Variants in RUNX1 observed in about 807,000 individuals in gnomAD.
The protein encoded by RUNX1 is RUNX family transcription factor 1.
In RUNX1, 19 loss-of-function variants were observed where a neutral mutation model predicts 42.8. That is an observed-to-expected ratio of 0.44 (90% CI 0.31 to 0.65). The LOEUF is 0.65. RUNX1 is among the 30% of genes least tolerant of loss of function. The probability of loss-of-function intolerance (pLI) is 0.07; values close to 1 mark genes in which losing one functional copy is unlikely to be tolerated. For missense variants in RUNX1, 528 were observed against 672.0 expected, an observed-to-expected ratio of 0.79 and a Z score of 2.37; for synonymous variants, 271 against 289.4, an observed-to-expected ratio of 0.94 and a Z score of 0.64.
intron 2 of RUNX1, among the ~76,000 whole-genome samples, chr21:35,007,076 A>C (rs1410916790): frequency 6.6e-6 from 1 of 152,248 alleles, no homozygotes; most frequent in Non-Finnish European, 1.5e-5. Flanking sequence ...TAACCTGCAC[A>C]CCAGATCTCA....
chr21:35,029,392 A>T (rs1439795324), intron 2 of RUNX1, among the ~76,000 whole-genome samples: 4 of 152,064 alleles, frequency 2.6e-5, no homozygotes, highest in Non-Finnish European at 4.4e-5. Flanking sequence ...CTGAGCTTCA[A>T]AATTTTTGTT....
At chr21:35,040,312 C>T (rs2059348015) in intron 2 of RUNX1, among the ~76,000 whole-genome samples, 1 of 152,168 alleles carries the variant, frequency 6.6e-6, no homozygotes, top group African/African-American at 2.4e-5. Context: ...GGCACTCAAA[C>T]CAATGTATCT....
Position 34,799,476 on chromosome 21 carries a change from G to GA in RUNX1, c.806-15dup, listed in dbSNP as rs1214730660. ...TCTGCCTTGTATCTGAAGAGAATCA[G>GA]AAAGGTCAATTATATGTAAAGTGGG... On this transcript the variant is annotated splice_polypyrimidine_tract_variant and intron_variant, in intron 7 of 8. Transcript: ENST00000675419. The GA allele has an allele frequency of 1.9e-6, 3 of 1,613,120 alleles. No individual in the cohort carries two copies. Among genetic ancestry groups the GA allele is most frequent in the Non-Finnish European group, 2.5e-6 (3 of 1,179,108 alleles).
At chr21:34,983,933 G>A (rs2058865997) in intron 2 of RUNX1, among the ~76,000 whole-genome samples, 1 of 152,184 alleles carries the variant, frequency 6.6e-6, no homozygotes. Context: ...CAGAAATAGG[G>A]GAGCTGGAAA....
At chr21:34,848,215 A>G (rs763614454) in intron 6 of RUNX1, among the ~76,000 whole-genome samples, 13 of 152,174 alleles carry the variant, frequency 8.5e-5, no homozygotes, top group Non-Finnish European at 1.8e-4. Context: ...GGTTAATCTG[A>G]TCCCGAAGGG....
At chr21:34,937,879 T>C (rs926282001) in intron 2 of RUNX1, among the ~76,000 whole-genome samples, 1 of 152,190 alleles carries the variant, frequency 6.6e-6, no homozygotes, top group East Asian at 1.9e-4. Context: ...CTTTGACTCA[T>C]GGATTTAATG....
In RUNX1 at chr21:34,868,268, G is replaced by A. The variant is rs541229366; in HGVS notation, c.509-8690C>T. Among the ~76,000 whole-genome samples, 9 of 152,218 alleles carry A rather than the reference G, an allele frequency of 5.9e-5. No individual in the cohort carries two copies. In the South Asian group the frequency reaches 1.9e-3, roughly 32 times the overall value. On this transcript the variant is annotated intron_variant, in intron 5 of 8. Coordinates refer to ENST00000675419, the MANE Select transcript of RUNX1 (RefSeq NM_001754.5). ...CCTGGCGCTGCTTGAAAGGAGAAAG[G>A]AGAGCTTTCAGTCTCTGGATGGGTC...
intron 8 of RUNX1, among the ~76,000 whole-genome samples, chr21:34,795,891 C>T (rs1052303426): frequency 6.6e-6 from 1 of 152,224 alleles, no homozygotes; most frequent in African/African-American, 2.4e-5. Context: ...AGTTTGTTGT[C>T]ATCTGATGCA....
At chr21:34,871,847 T>C (rs1287998170) in intron 5 of RUNX1, among the ~76,000 whole-genome samples, 14 of 58,526 alleles carry the variant, frequency 2.4e-4, no homozygotes, top group South Asian at 8.0e-4. Flanking sequence ...CTTTTATCAC[T>C]TTTTTTTTTT....
At chr21:35,027,028 C>A (rs1841794631) in intron 2 of RUNX1, among the ~76,000 whole-genome samples, 1 of 152,208 alleles carries the variant, frequency 6.6e-6, no homozygotes, top group African/African-American at 2.4e-5. Flanking sequence ...AGAAGTAGAG[C>A]GGCCCCACCC....
intron 2 of RUNX1, among the ~76,000 whole-genome samples, chr21:34,992,771 TG>T (rs1253875195): frequency 2.6e-5 from 4 of 151,830 alleles, no homozygotes; most frequent in Non-Finnish European, 5.9e-5. Flanking sequence ...AACGCCTTCG[TG>T]GCAGCCCAGG....
chr21:34,802,302 T>G (rs138581352), intron 7 of RUNX1, among the ~76,000 whole-genome samples: 51 of 152,242 alleles, frequency 3.3e-4, no homozygotes, highest in African/African-American at 1.1e-3. Context: ...AAAAGCTTAT[T>G]GAACATTTAC....
intron 4 of RUNX1, among the ~76,000 whole-genome samples, chr21:34,881,798 A>G (rs941346117): frequency 1.3e-5 from 2 of 152,236 alleles, no homozygotes; most frequent in Admixed American, 6.5e-5. Flanking sequence ...GTACAATAGC[A>G]TCAATTTCTT....
At chr21:34,825,124 G>A (rs1442629066) in intron 7 of RUNX1, among the ~76,000 whole-genome samples, 3 of 152,174 alleles carry the variant, frequency 2.0e-5, no homozygotes, top group Non-Finnish European at 4.4e-5. Context: ...TGGCAATCAA[G>A]TCACTTTTTT....
intron 2 of RUNX1, among the ~76,000 whole-genome samples, chr21:34,940,340 G>A (rs188069538): frequency 1.6e-3 from 240 of 152,276 alleles, no homozygotes; most frequent in African/African-American, 5.3e-3. Flanking sequence ...ACAGCCATTC[G>A]TTCTTTAATG....
intron 7 of RUNX1, among the ~76,000 whole-genome samples, chr21:34,806,804 A>C (rs2056686356): frequency 6.6e-6 from 1 of 152,120 alleles, no homozygotes; most frequent in Non-Finnish European, 1.5e-5. Flanking sequence ...TAAATTAAAA[A>C]GCCAATAATA....
rs370459441 is a variant in RUNX1, at chr21:35,006,837, G to A, written c.58+42005C>T. Reference sequence around the variant, plus strand: ...AGAGCCTTTCTCTACCAGGCAAAACGTGCTGGAAAGATAGAAGAGAGGAGC... The same window carrying A: ...AGAGCCTTTCTCTACCAGGCAAAACATGCTGGAAAGATAGAAGAGAGGAGC... On this transcript the variant is annotated intron_variant, in intron 2 of 8. Coordinates refer to ENST00000675419, the MANE Select transcript of RUNX1 (RefSeq NM_001754.5). 6.6e-5 allele frequency among the ~76,000 whole-genome samples: 10 copies of A among 152,270 alleles called. No individual in the cohort carries two copies. The East Asian group carries it at 1.4e-3, about 21-fold the overall frequency.
At chr21:35,020,184 C>T (rs989322681) in intron 2 of RUNX1, among the ~76,000 whole-genome samples, 1 of 151,954 alleles carries the variant, frequency 6.6e-6, no homozygotes, top group African/African-American at 2.4e-5. Flanking sequence ...CAAAATAGCA[C>T]AACTGTTCCC....
chr21:34,888,505 CA>C (rs377766157), intron 3 of RUNX1: 21 of 1,056,222 alleles, frequency 2.0e-5, no homozygotes, highest in Middle Eastern at 4.2e-4. Context: ...AGGGGAAAAA[CA>C]AAAAAAAACA....
Sources: allele counts gnomAD v4.1 joint callset (sites outside exome capture counted in the v4.1 genomes callset), GRCh38; gene constraint gnomAD v4.1.1; transcripts MANE v1.5; gene names NCBI Gene and HGNC (gene_info 2026-07-23, HGNC 2026-07-21).